The following PIBF1 variants were observed in gnomAD, a reference collection of about 807,000 sequenced individuals.
PIBF1 encodes progesterone-induced-blocking factor 1.
PIBF1 carries 90 observed loss-of-function variants against 112.5 expected under a neutral mutation model. The ratio of observed to expected loss-of-function variants is 0.80; its 90% CI spans 0.67 to 0.95. The LOEUF (loss-of-function observed/expected upper bound fraction) is 0.95. PIBF1 is among the 40% of genes least tolerant of loss of function. The pLI is 0.00. For missense variants in PIBF1, 915 were observed against 852.3 expected (o/e 1.07, Z -0.92); for synonymous variants, 301 against 288.6 (o/e 1.04, Z -0.44).
intron 9 of PIBF1, among the ~76,000 whole-genome samples, chr13:72,839,007 A>G (rs2037486722): frequency 6.6e-6 from 1 of 152,172 alleles, no homozygotes; most frequent in Non-Finnish European, 1.5e-5. Flanking sequence ...GGCCCAAAGA[A>G]TGCATTTGGA....
At chr13:72,961,891 C>T (rs942608743) in intron 14 of PIBF1, among the ~76,000 whole-genome samples, 2 of 151,480 alleles carry the variant, frequency 1.3e-5, no homozygotes, top group African/African-American at 2.4e-5. Context: ...GATAAAAATC[C>T]TTTGGGAGAA....
chr13:72,827,814 C>T lies in PIBF1; in HGVS notation c.997C>T (p.Arg333Cys), dbSNP rs1005894770. The T allele has an allele frequency of 1.1e-5, 18 of 1,604,026 alleles. No homozygotes were observed. Among genetic ancestry groups the T allele is most frequent in the East Asian group, 4.5e-5 (2 of 44,522 alleles). ...LNRQNMELSV[R>C]CAHEEDRLER... is the part of the protein sequence containing the mutation. Reference sequence around the variant, plus strand: ...TCGCCAAAACATGGAGCTTAGTGTTCGCTGTGCTCATGAAGAGGATCGCCT... The same window carrying T: ...TCGCCAAAACATGGAGCTTAGTGTTTGCTGTGCTCATGAAGAGGATCGCCT... The change falls in exon 8 of 18, where the codon CGC (arginine) becomes TGC (cysteine). Residue 333 changes from arginine to cysteine, a missense_variant. Transcript: ENST00000326291.
At chr13:72,869,807 C>CCA (rs147744832) in intron 10 of PIBF1, among the ~76,000 whole-genome samples, 2,330 of 151,064 alleles carry the variant, frequency 0.015, 61 homozygotes, top group African/African-American at 0.052. Flanking sequence ...CCCCCCACCT[C>CCA]CACACACACA....
At chr13:72,999,488 A>G (rs911912297) in intron 17 of PIBF1, among the ~76,000 whole-genome samples, 39 of 152,152 alleles carry the variant, frequency 2.6e-4, no homozygotes, top group African/African-American at 3.6e-4. Context: ...TGGTTTCTCA[A>G]TCATGCTTTC....
chr13:72,800,634 G>A (rs995817333), intron 5 of PIBF1, among the ~76,000 whole-genome samples: 1 of 152,090 alleles, frequency 6.6e-6, no homozygotes, highest in African/African-American at 2.4e-5. Context: ...TGTGTATCCT[G>A]CATTTACTAT....
intron 10 of PIBF1, among the ~76,000 whole-genome samples, chr13:72,883,372 G>T (rs761224237): frequency 3.3e-5 from 5 of 152,108 alleles, no homozygotes; most frequent in Non-Finnish European, 7.4e-5. Context: ...ATGGGTAATG[G>T]GTACAAAAAT....
chr13:72,794,547 G>A (rs550034483), intron 3 of PIBF1, among the ~76,000 whole-genome samples: 1 of 152,168 alleles, frequency 6.6e-6, no homozygotes, highest in Admixed American at 6.5e-5. Context: ...GGAGGGACCT[G>A]ATGGGAGGTA....
At chr13:72,886,838 T>C (rs948301319) in intron 10 of PIBF1, among the ~76,000 whole-genome samples, 12 of 152,068 alleles carry the variant, frequency 7.9e-5, no homozygotes, top group Non-Finnish European at 1.6e-4. Context: ...AGTGAACTGG[T>C]TGAAGAAATC....
intron 10 of PIBF1, among the ~76,000 whole-genome samples, chr13:72,890,399 G>A (rs2325485): frequency 0.99 from 151,270 of 152,252 alleles, 75,155 homozygotes; most frequent in Middle Eastern, 1. Context: ...TTCCAAACCC[G>A]GAAGTGCTGT....
intron 14 of PIBF1, among the ~76,000 whole-genome samples, chr13:72,943,398 T>A (rs1379007050): frequency 6.6e-6 from 1 of 152,244 alleles, no homozygotes; most frequent in Non-Finnish European, 1.5e-5. Context: ...AGGTTATTGA[T>A]GTCCTAAATA....
intron 5 of PIBF1, among the ~76,000 whole-genome samples, chr13:72,801,999 A>T (rs1167548667): frequency 2.8e-5 from 2 of 71,174 alleles, no homozygotes; most frequent in African/African-American, 1.3e-4. Context: ...TTTTCTTAGG[A>T]TTTTTAAAAA....
intron 16 of PIBF1, among the ~76,000 whole-genome samples, chr13:72,995,684 A>G (rs564483465): frequency 1.3e-4 from 20 of 152,024 alleles, no homozygotes; most frequent in African/African-American, 1.7e-4. Context: ...GGGCACAGTG[A>G]CTCACGCCTG....
At chr13:72,929,640 A>G (rs1243896481) in intron 13 of PIBF1, among the ~76,000 whole-genome samples, 1 of 152,200 alleles carries the variant, frequency 6.6e-6, no homozygotes, top group African/African-American at 2.4e-5. Flanking sequence ...ATGATATTTA[A>G]GTTGCATATC....
chr13:72,912,931 T>C (rs1178831843), intron 12 of PIBF1, among the ~76,000 whole-genome samples: 1 of 151,780 alleles, frequency 6.6e-6, no homozygotes. Context: ...TACTATATGA[T>C]TATAGTATAT....
intron 16 of PIBF1, among the ~76,000 whole-genome samples, chr13:72,975,677 G>C (rs1406477211): frequency 6.6e-6 from 1 of 152,090 alleles, no homozygotes; most frequent in African/African-American, 2.4e-5. Flanking sequence ...TCTAACAACA[G>C]GTTACAGAGC....
chr13:72,860,366 C>T lies in PIBF1; in HGVS notation c.1322+6211C>T, dbSNP rs557063655. ...GTGTGTGTGTGTGACAGTAGAGAGA[C>T]AGAGAATCTACTGAAGTTATTTTGA... On this transcript the variant is annotated intron_variant, in intron 10 of 17. Coordinates refer to ENST00000326291, the MANE Select transcript of PIBF1 (RefSeq NM_006346.4). Among the ~76,000 whole-genome samples the T allele has an allele frequency of 2.0e-4, 29 of 143,212 alleles. No individual in the cohort carries two copies. The South Asian group carries it at 6.5e-3, about 32-fold the overall frequency. 94.0% of individuals were successfully genotyped at this position (143,212 alleles called of 152,430 possible). A position where few individuals can be genotyped will look rare whatever the true frequency, so the allele number is the denominator to read the frequency against.
chr13:72,883,138 G>C (rs2138508868), intron 10 of PIBF1, among the ~76,000 whole-genome samples: 1 of 152,248 alleles, frequency 6.6e-6, no homozygotes, highest in South Asian at 2.1e-4. Flanking sequence ...ATACATAATG[G>C]AGTATTCTTC....
At chr13:72,876,340 A>G (rs78795676) in intron 10 of PIBF1, among the ~76,000 whole-genome samples, 6,324 of 151,860 alleles carry the variant, frequency 0.042, 233 homozygotes, top group East Asian at 0.14. Context: ...CTGTAACTTT[A>G]TAGTAAGTCT....
At chr13:72,867,067 T>G (rs753244737) in intron 10 of PIBF1, among the ~76,000 whole-genome samples, 1 of 152,194 alleles carries the variant, frequency 6.6e-6, no homozygotes, top group Non-Finnish European at 1.5e-5. Flanking sequence ...CACCCAAATC[T>G]CACCTTGTAG....
Sources: allele counts gnomAD v4.1 joint callset (sites outside exome capture counted in the v4.1 genomes callset), GRCh38; gene constraint gnomAD v4.1.1; transcripts MANE v1.5; gene names NCBI Gene and HGNC (gene_info 2026-07-23, HGNC 2026-07-21).